Variants in COLEC11 observed in about 807,000 individuals in gnomAD.
COLEC11 encodes the protein collectin-11.
Under a neutral mutation model 27.3 loss-of-function variants are expected in COLEC11, and 20 were observed. The observed-to-expected ratio is 0.73, with a 90% confidence interval of 0.51 to 1.06. COLEC11 has a LOEUF of 1.06. Among genes scored for constraint, COLEC11 ranks in the 50% least tolerant of loss-of-function variants. The probability of loss-of-function intolerance (pLI) is 0.00; values close to 1 mark genes in which losing one functional copy is unlikely to be tolerated. For missense variants in COLEC11, 310 were observed against 383.0 expected (o/e 0.81, Z 1.59); for synonymous variants, 163 against 154.7 (o/e 1.05, Z -0.40).
rs779422902 is a variant in COLEC11 at position 3,637,535 on chromosome 2, G to T, written c.205G>T (p.Asp69Tyr). The T allele has an allele frequency of 6.2e-7, 1 of 1,613,954 alleles. No individual in the cohort carries two copies. Among genetic ancestry groups the T allele is most frequent in the African/African-American group, 1.3e-5 (1 of 74,912 alleles). The change falls in exon 4 of 7, where the codon GAC becomes TAC. Residue 69 changes from aspartate to tyrosine, a missense_variant and splice_region_variant. Coordinates refer to ENST00000349077, the MANE Select transcript of COLEC11 (RefSeq NM_024027.5). ...TTTGCTCTTATTGTTTTCTACAGGA[G>T]ACATGGGGGACAAAGGACAGAAAGG... Reference protein sequence around the residue: ...GRVGPTGEKGDMGDKGQKGSV... With the variant: ...GRVGPTGEKGYMGDKGQKGSV...
intron 1 of COLEC11, chr2:3,603,604 A>G: frequency 6.5e-7 from 1 of 1,550,282 alleles, no homozygotes; most frequent in Admixed American, 2.0e-5. Flanking sequence ...GGTGTGAGCC[A>G]CTGCGCCTGG....
At chr2:3,610,979 T>C (rs114686134) in intron 2 of COLEC11, among the ~76,000 whole-genome samples, 3,691 of 152,276 alleles carry the variant, frequency 0.024, 158 homozygotes, top group African/African-American at 0.082. Context: ...TCTGTGATGT[T>C]GCTCTGACAT....
intron 3 of COLEC11, among the ~76,000 whole-genome samples, chr2:3,632,551 C>A (rs1435899156): frequency 6.6e-6 from 1 of 152,224 alleles, no homozygotes; most frequent in Non-Finnish European, 1.5e-5. Flanking sequence ...AAGCCACAGT[C>A]CTGTTGGACC....
chr2:3,613,437 T>C, intron 3 of COLEC11, 55 bp downstream of exon 3: 1 of 1,532,246 alleles, frequency 6.5e-7, no homozygotes, highest in South Asian at 1.2e-5. Context: ...GCACCGCTCC[T>C]GCTAGAGCCG....
chr2:3,612,999 G>T (rs540862202), intron 2 of COLEC11, among the ~76,000 whole-genome samples: 1 of 152,314 alleles, frequency 6.6e-6, no homozygotes, highest in South Asian at 2.1e-4. Context: ...GTTGGGGAGA[G>T]CCGGCGTTTA....
chr2:3,641,769 G>C (rs1665888090), intron 5 of COLEC11, among the ~76,000 whole-genome samples: 1 of 152,218 alleles, frequency 6.6e-6, no homozygotes, highest in Non-Finnish European at 1.5e-5. Context: ...GGCTCTACGT[G>C]ATTGCCGACG....
At chr2:3,620,977 G>A (rs1466229783) in intron 3 of COLEC11, among the ~76,000 whole-genome samples, 4 of 152,124 alleles carry the variant, frequency 2.6e-5, no homozygotes, top group African/African-American at 4.8e-5. Context: ...AGAATGTTCC[G>A]TGTGCACTGG....
At chr2:3,604,269 C>T in intron 1 of COLEC11, 46 bp from the exon 2 acceptor site, 3 of 1,607,726 alleles carry the variant, frequency 1.9e-6, no homozygotes, top group Non-Finnish European at 2.6e-6. Context: ...CACTGGCTGC[C>T]CGGCTGTTGC....
chr2:3,610,964 G>T (rs1390673959), intron 2 of COLEC11, among the ~76,000 whole-genome samples: 2 of 151,960 alleles, frequency 1.3e-5, no homozygotes, highest in Non-Finnish European at 2.9e-5. Flanking sequence ...CTTTATTCTT[G>T]GTGTTCTGTG....
chr2:3,620,792 A>T (rs1664129058), intron 3 of COLEC11, among the ~76,000 whole-genome samples: 1 of 151,502 alleles, frequency 6.6e-6, no homozygotes, highest in Admixed American at 6.6e-5. Context: ...TTTTTGACTC[A>T]TGGATTGTTC....
At chr2:3,628,291 C>T (rs145384834) in intron 3 of COLEC11, among the ~76,000 whole-genome samples, 4 of 152,346 alleles carry the variant, frequency 2.6e-5, no homozygotes, top group Non-Finnish European at 5.9e-5. Flanking sequence ...GTCTGTGGGA[C>T]GAGGCTTCCG....
At chr2:3,641,373 A>G (rs1665855661) in intron 5 of COLEC11, 1 of 1,301,584 alleles carries the variant, frequency 7.7e-7, no homozygotes, top group Non-Finnish European at 1.0e-6. Context: ...GGGCACCTCC[A>G]GGCACTCAGC....
chr2:3,630,508 G>T (rs1336297217), intron 3 of COLEC11, among the ~76,000 whole-genome samples: 1 of 152,134 alleles, frequency 6.6e-6, no homozygotes, highest in Admixed American at 6.5e-5. Context: ...TTTTTACATT[G>T]TTTACTGAAG....
chr2:3,637,885 C>T (rs1207212110), intron 4 of COLEC11, among the ~76,000 whole-genome samples: 1 of 152,218 alleles, frequency 6.6e-6, no homozygotes, highest in African/African-American at 2.4e-5. Flanking sequence ...GGGCAAGACT[C>T]TGGCTGTGTA....
intron 5 of COLEC11, among the ~76,000 whole-genome samples, 156 bp downstream of exon 5, chr2:3,640,487 C>T (rs1665766126): frequency 7.4e-6 from 1 of 134,978 alleles, no homozygotes. Flanking sequence ...CCACAGTGGA[C>T]ACCCACCCCC....
rs1369183283 is a variant in COLEC11, at chr2:3,622,731, CTG to C, written c.202+9352_202+9353del. ...TGATGCCCTGTGCTACCTCAAGACTCTGTGGAGAGTTCTCATCAGATGTGGCC... is the reference window on the plus strand; with the variant it reads ...TGATGCCCTGTGCTACCTCAAGACTCTGGAGAGTTCTCATCAGATGTGGCC... On this transcript the variant is annotated intron_variant, in intron 3 of 6. Coordinates refer to ENST00000349077, the MANE Select transcript of COLEC11 (RefSeq NM_024027.5). Among the ~76,000 whole-genome samples the C allele has an allele frequency of 5.3e-5, 8 of 152,322 alleles. No homozygotes were observed. In the East Asian group the frequency reaches 1.3e-3, roughly 26 times the overall value.
intron 4 of COLEC11, among the ~76,000 whole-genome samples, chr2:3,639,661 G>A (rs930721734): frequency 6.6e-6 from 1 of 152,222 alleles, no homozygotes; most frequent in Non-Finnish European, 1.5e-5. Context: ...CCATCATTTT[G>A]TTCAACCCCC....
intron 3 of COLEC11, among the ~76,000 whole-genome samples, chr2:3,632,449 T>C (rs1167829174): frequency 2.6e-5 from 4 of 152,246 alleles, no homozygotes; most frequent in African/African-American, 9.6e-5. Flanking sequence ...CTGAGGCTGC[T>C]GTCCGGGGCT....
At chr2:3,597,638 G>A (rs575765634) in intron 1 of COLEC11, among the ~76,000 whole-genome samples, 1 of 152,146 alleles carries the variant, frequency 6.6e-6, no homozygotes, top group Non-Finnish European at 1.5e-5. Flanking sequence ...TAGCTAGAGG[G>A]GAAATTCCCA....
Sources: allele counts gnomAD v4.1 joint callset (sites outside exome capture counted in the v4.1 genomes callset), GRCh38; gene constraint gnomAD v4.1.1; transcripts MANE v1.5; gene names NCBI Gene and HGNC (gene_info 2026-07-23, HGNC 2026-07-21).